Variants in RAPGEF2 observed in about 807,000 individuals in gnomAD.
RAPGEF2 encodes the protein PDZ domain containing guanine nucleotide exchange factor (GEF) 1.
RAPGEF2 carries 54 observed loss-of-function variants against 186.7 expected under a neutral mutation model. That is an observed-to-expected ratio of 0.29 (90% confidence interval 0.23 to 0.36). The LOEUF is 0.36. Among genes scored for constraint, RAPGEF2 ranks in the 10% least tolerant of loss-of-function variants. The pLI is 1.00. For synonymous variants in RAPGEF2, 712 were observed against 705.9 expected (o/e 1.01, Z -0.14); for missense variants, 1,532 against 2,045.0 (o/e 0.75, Z 4.84).
chr4:159,183,156 A>G (rs1312717947), intron 1 of RAPGEF2, among the ~76,000 whole-genome samples: 3 of 152,224 alleles, frequency 2.0e-5, no homozygotes, highest in Non-Finnish European at 2.9e-5. Flanking sequence ...AACACTCACA[A>G]TTCACAGTTT....
intron 3 of RAPGEF2, among the ~76,000 whole-genome samples, chr4:159,209,368 A>T (rs370440237): frequency 7.9e-5 from 12 of 152,244 alleles, no homozygotes; most frequent in Admixed American, 2.0e-4. Context: ...CCGATTGGCA[A>T]AACATCCAAA....
intron 19 of RAPGEF2, among the ~76,000 whole-genome samples, chr4:159,341,064 G>A (rs1190971673): frequency 6.6e-6 from 1 of 152,166 alleles, no homozygotes; most frequent in Non-Finnish European, 1.5e-5. Context: ...GAGGGAAGTA[G>A]CTTAGGGTTT....
intron 7 of RAPGEF2, among the ~76,000 whole-genome samples, chr4:159,252,988 G>A (rs1345650572): frequency 6.6e-6 from 1 of 152,216 alleles, no homozygotes; most frequent in Non-Finnish European, 1.5e-5. Flanking sequence ...AAGAATGATA[G>A]TGTTTGATAC....
intron 7 of RAPGEF2, among the ~76,000 whole-genome samples, chr4:159,271,239 T>G (rs1291864688): frequency 6.6e-6 from 1 of 152,194 alleles, no homozygotes; most frequent in African/African-American, 2.4e-5. Context: ...TTTGAAACTT[T>G]GTAAATTAAA....
In RAPGEF2 at chr4:159,358,099, C is replaced by G; in HGVS notation, c.4958-15C>G. ...TTGCTCATTGATTTCTTTTTCTTCC[C>G]TGCTGTATTTGCAGAAGATGAACAA... On this transcript the variant is annotated splice_polypyrimidine_tract_variant and intron_variant, in intron 29 of 29. Coordinates refer to ENST00000691494, the MANE Select transcript of RAPGEF2 (RefSeq NM_001394067.2). 1 of 1,610,628 alleles carries G rather than the reference C, an allele frequency of 6.2e-7. No individual in the cohort carries two copies. Among genetic ancestry groups the G allele is most frequent in the South Asian group, 1.1e-5 (1 of 90,132 alleles).
At chr4:159,262,290 C>T (rs1231277098) in intron 7 of RAPGEF2, among the ~76,000 whole-genome samples, 1 of 152,130 alleles carries the variant, frequency 6.6e-6, no homozygotes, top group Non-Finnish European at 1.5e-5. Flanking sequence ...GGATAATTAA[C>T]AGATCATTGT....
At chr4:159,113,740 C>CAA (rs11311075) in intron 1 of RAPGEF2, among the ~76,000 whole-genome samples, 1,547 of 86,556 alleles carry the variant, frequency 0.018, 41 homozygotes, top group African/African-American at 0.062. Flanking sequence ...GACTCTGTCT[C>CAA]AAAAAAAAAA....
At chr4:159,169,132 T>C (rs1039323969) in intron 1 of RAPGEF2, among the ~76,000 whole-genome samples, 44 of 152,090 alleles carry the variant, frequency 2.9e-4, no homozygotes, top group African/African-American at 1.0e-3. Flanking sequence ...AATTGACCAG[T>C]GAACTGCAAA....
chr4:159,358,326 G>C lies in RAPGEF2; in HGVS notation c.*187G>C. 1 of 579,472 alleles carries C rather than the reference G, an allele frequency of 1.7e-6. No individual in the cohort carries two copies. Among genetic ancestry groups the C allele is most frequent in the Admixed American group, 3.4e-5 (1 of 29,060 alleles). The allele number at this position is 579,472 out of a possible 1,614,324, so 35.9% of individuals were successfully genotyped here. On this transcript the variant is annotated 3_prime_UTR_variant, in exon 30 of 30. Transcript: ENST00000691494. The stretch of plus-strand genomic sequence containing the variant: ...TTCCCCTTTGCATGTGAAATACTGT[G>C]AAGAAATTGCCCTGGCACTTTTCAG...
intron 1 of RAPGEF2, among the ~76,000 whole-genome samples, chr4:159,117,698 C>T (rs908001667): frequency 6.6e-6 from 1 of 151,464 alleles, no homozygotes; most frequent in African/African-American, 2.4e-5. Flanking sequence ...TAATCTTGGT[C>T]TCTGTTGTCA....
intron 3 of RAPGEF2, 25 bp downstream of exon 3, chr4:159,193,281 C>A: frequency 1.4e-6 from 2 of 1,419,052 alleles, no homozygotes; most frequent in South Asian, 1.4e-5. Context: ...TTTGTTTGTA[C>A]AATGTATCTA....
At chr4:159,131,750 G>A (rs967286925) in intron 1 of RAPGEF2, among the ~76,000 whole-genome samples, 11 of 151,272 alleles carry the variant, frequency 7.3e-5, no homozygotes, top group African/African-American at 2.7e-4. Context: ...CCTACAGCCC[G>A]GCATCTCCTT....
intron 7 of RAPGEF2, among the ~76,000 whole-genome samples, chr4:159,293,464 C>T (rs557931658): frequency 6.6e-6 from 1 of 152,308 alleles, no homozygotes; most frequent in African/African-American, 2.4e-5. Flanking sequence ...TGTCGTTTGA[C>T]TAGTTAATTG....
intron 7 of RAPGEF2, among the ~76,000 whole-genome samples, chr4:159,292,421 C>G (rs1269625444): frequency 6.6e-6 from 1 of 152,126 alleles, no homozygotes; most frequent in Non-Finnish European, 1.5e-5. Context: ...GCAGGGAAAC[C>G]TTTCACACCC....
intron 1 of RAPGEF2, among the ~76,000 whole-genome samples, chr4:159,134,011 G>A (rs944240776): frequency 2.0e-5 from 3 of 152,148 alleles, no homozygotes; most frequent in Admixed American, 1.3e-4. Flanking sequence ...GAGCCACCAC[G>A]CCTGGCAATT....
chr4:159,177,214 CT>C (rs11362763), intron 1 of RAPGEF2, among the ~76,000 whole-genome samples: 66,161 of 138,682 alleles, frequency 0.48, 16,180 homozygotes, highest in African/African-American at 0.7. Context: ...ATTCATTCAA[CT>C]TTTTTTTTTT....
At chr4:159,330,265 A>ACG (rs1554038041) in intron 12 of RAPGEF2, 69 bp from the exon 13 acceptor site, 5 of 529,620 alleles carry the variant, frequency 9.4e-6, no homozygotes, top group Non-Finnish European at 1.6e-5. Flanking sequence ...GTATATGTAT[A>ACG]TGTGTGTGTG....
chr4:159,277,392 A>C (rs1360693011), intron 7 of RAPGEF2, among the ~76,000 whole-genome samples: 1 of 152,212 alleles, frequency 6.6e-6, no homozygotes, highest in Non-Finnish European at 1.5e-5. Context: ...ATACGTGTGC[A>C]TGTGTCTTTA....
intron 7 of RAPGEF2, among the ~76,000 whole-genome samples, chr4:159,287,701 G>T (rs1760686868): frequency 6.6e-6 from 1 of 152,098 alleles, no homozygotes; most frequent in African/African-American, 2.4e-5. Flanking sequence ...ATTTATGGGG[G>T]TTTGTGGAAT....
Sources: gnomAD v4.1 joint callset for allele counts (sites outside exome capture counted in the v4.1 genomes callset) on GRCh38, gnomAD v4.1.1 for gene constraint, MANE v1.5 for transcripts, NCBI Gene and HGNC (gene_info 2026-07-23, HGNC 2026-07-21) for gene names.